ECPAS: variants seen among roughly 807,000 people sequenced by gnomAD.
ECPAS encodes proteasome adapter and scaffold protein ECM29.
ECPAS carries 70 observed loss-of-function variants against 255.1 expected under a neutral mutation model. The ratio of observed to expected loss-of-function variants is 0.27; its 90% CI spans 0.23 to 0.33. The LOEUF (loss-of-function observed/expected upper bound fraction) is 0.33. Ranked by LOEUF, ECPAS falls within the 10% of genes least tolerant of loss-of-function variation. ECPAS has a pLI of 1.00. For synonymous variants in ECPAS, 784 were observed against 775.0 expected, an observed-to-expected ratio of 1.01 and a Z score of -0.19; for missense variants, 1,817 against 2,206.4, an observed-to-expected ratio of 0.82 and a Z score of 3.54.
intron 45 of ECPAS, among the ~76,000 whole-genome samples, chr9:111,370,089 C>T (rs537203166): frequency 6.6e-6 from 1 of 152,328 alleles, no homozygotes; most frequent in South Asian, 2.1e-4. Flanking sequence ...CCCAGGAACT[C>T]TCCTCAAGAG....
At chr9:111,482,542 T>TA (rs2098307523) in intron 1 of ECPAS, among the ~76,000 whole-genome samples, 2 of 152,148 alleles carry the variant, frequency 1.3e-5, no homozygotes, top group Admixed American at 6.5e-5. Flanking sequence ...CAACGTAAGC[T>TA]TCATAAAGCT....
At chr9:111,482,160 G>C (rs569652166) in intron 1 of ECPAS, among the ~76,000 whole-genome samples, 2 of 152,196 alleles carry the variant, frequency 1.3e-5, no homozygotes, top group African/African-American at 2.4e-5. Flanking sequence ...CAGAAGGCCT[G>C]GTGGTGCTTC....
chr9:111,468,347 T>G (rs183021589), intron 2 of ECPAS, among the ~76,000 whole-genome samples: 37 of 152,300 alleles, frequency 2.4e-4, no homozygotes, highest in African/African-American at 8.7e-4. Context: ...GTGGCAGGGC[T>G]GATTCAAACC....
At chr9:111,372,945 T>C (rs770460176) in intron 41 of ECPAS, among the ~76,000 whole-genome samples, 1 of 151,974 alleles carries the variant, frequency 6.6e-6, no homozygotes, top group Non-Finnish European at 1.5e-5. Flanking sequence ...GACACAAGAA[T>C]CGCTTGAGCC....
chr9:111,374,269 T>A (rs12337182), intron 38 of ECPAS, among the ~76,000 whole-genome samples: 13,469 of 152,256 alleles, frequency 0.088, 744 homozygotes, highest in Non-Finnish European at 0.13. Context: ...GAAAGAAAAC[T>A]GGTACAATCT....
chr9:111,476,050 G>A (rs574597329), intron 1 of ECPAS, among the ~76,000 whole-genome samples: 51 of 152,204 alleles, frequency 3.4e-4, no homozygotes, highest in Non-Finnish European at 5.9e-4. Context: ...GGCTCTCTCA[G>A]AAGACACCTG....
At chr9:111,381,868 A>C (rs960426004) in intron 35 of ECPAS, among the ~76,000 whole-genome samples, 15 of 152,056 alleles carry the variant, frequency 9.9e-5, no homozygotes, top group Admixed American at 9.8e-4. Context: ...GCATTTCTTA[A>C]ATCTTTTTTA....
chr9:111,451,393 T>C (rs759379407), intron 3 of ECPAS, 32 bp downstream of exon 3: 3 of 1,547,358 alleles, frequency 1.9e-6, no homozygotes, highest in Non-Finnish European at 2.6e-6. Flanking sequence ...TTATTCATCA[T>C]TTAATTCCCC....
intron 1 of ECPAS, among the ~76,000 whole-genome samples, chr9:111,481,842 A>T (rs866938675): frequency 9.2e-5 from 14 of 152,338 alleles, no homozygotes; most frequent in Middle Eastern, 6.8e-3. Context: ...TAAAGATAAA[A>T]CCAGTCACAA....
intron 17 of ECPAS, among the ~76,000 whole-genome samples, chr9:111,416,777 C>A (rs1183039332): frequency 7.9e-5 from 12 of 152,154 alleles, no homozygotes; most frequent in Admixed American, 7.9e-4. Flanking sequence ...GCCTACCTAG[C>A]AAAGAGCTAG....
At chr9:111,477,092 G>A (rs777829641) in intron 1 of ECPAS, among the ~76,000 whole-genome samples, 35 of 151,604 alleles carry the variant, frequency 2.3e-4, no homozygotes, top group Non-Finnish European at 4.3e-4. Flanking sequence ...GTGAGCCACC[G>A]CGCCTGGTCC....
chr9:111,422,386 C>T (rs1257352324), intron 13 of ECPAS, among the ~76,000 whole-genome samples, 186 bp from the exon 14 acceptor site: 4 of 152,170 alleles, frequency 2.6e-5, no homozygotes, highest in South Asian at 2.1e-4. Context: ...TTGATTAACA[C>T]GCACATCTTC....
At chr9:111,471,982 TC>T (rs1311330287) in intron 2 of ECPAS, among the ~76,000 whole-genome samples, 1 of 151,992 alleles carries the variant, frequency 6.6e-6, no homozygotes, top group Non-Finnish European at 1.5e-5. Flanking sequence ...ACAACTATGA[TC>T]CCAGCTACTT....
chr9:111,461,297 CAA>C (rs796220521), intron 2 of ECPAS, among the ~76,000 whole-genome samples: 25 of 130,082 alleles, frequency 1.9e-4, no homozygotes, highest in Admixed American at 2.3e-4. Flanking sequence ...CCATCTCTAC[CAA>C]AAAAAAAAAA....
At chr9:111,452,008 T>C (rs2098260902) in intron 2 of ECPAS, among the ~76,000 whole-genome samples, 1 of 152,200 alleles carries the variant, frequency 6.6e-6, no homozygotes, top group Admixed American at 6.5e-5. Flanking sequence ...TAGGGTTACC[T>C]AGTTAGAAAA....
intron 48 of ECPAS, among the ~76,000 whole-genome samples, chr9:111,364,658 G>T (rs948384604): frequency 6.6e-6 from 1 of 152,178 alleles, no homozygotes; most frequent in African/African-American, 2.4e-5. Context: ...ATGATCTTAA[G>T]ATCTGTTCCC....
Position 111,386,555 on chromosome 9 carries a change from G to C in ECPAS, c.3448-99C>G, listed in dbSNP as rs146847260. 567 of 693,178 alleles carry C rather than the reference G, an allele frequency of 8.2e-4. 4 individuals carry two copies. The East Asian group carries it at 0.014, about 17-fold the overall frequency. The allele number at this position is 693,178 out of a possible 1,614,324, so 42.9% of individuals were successfully genotyped here. A position where few individuals can be genotyped will look rare whatever the true frequency, so the allele number is the denominator to read the frequency against. On this transcript the variant is annotated intron_variant, in intron 31 of 49. Coordinates refer to ENST00000684092, the MANE Select transcript of ECPAS (RefSeq NM_001364929.1). Reference sequence around the variant, plus strand: ...CTGGTTAACCACACTTAACCACACTGACCATGTTTCTATATTTTACGGCCT... The same window carrying C: ...CTGGTTAACCACACTTAACCACACTCACCATGTTTCTATATTTTACGGCCT...
chr9:111,436,964 T>C lies in ECPAS; in HGVS notation c.684A>G (p.Pro228=), dbSNP rs751193265. The C allele has an allele frequency of 8.7e-6, 14 of 1,610,682 alleles. No individual in the cohort carries two copies. Among genetic ancestry groups the C allele is most frequent in the Non-Finnish European group, 1.2e-5 (14 of 1,178,746 alleles). ...CCTGTTCCAATTGTTCAGGTGTCCA[T>C]GGGTTATCACCAATAACTCGTTTGG... The part of the protein sequence containing the change: ...YAAKRVIGDN[P]WTPEQLEQCK... The change falls in exon 7 of 50, where the codon CCA becomes CCG. Residue 228 remains proline, a synonymous_variant. Coordinates refer to ENST00000684092, the MANE Select transcript of ECPAS (RefSeq NM_001364929.1).
intron 1 of ECPAS, among the ~76,000 whole-genome samples, chr9:111,474,810 C>T (rs1414662371): frequency 1.3e-5 from 2 of 152,134 alleles, no homozygotes; most frequent in East Asian, 3.8e-4. Flanking sequence ...CTTGTCATTC[C>T]AATTTTATGA....
Sources: gnomAD v4.1 joint callset for allele counts (sites outside exome capture counted in the v4.1 genomes callset) on GRCh38, gnomAD v4.1.1 for gene constraint, MANE v1.5 for transcripts, NCBI Gene and HGNC (gene_info 2026-07-23, HGNC 2026-07-21) for gene names.